TAB2: variants seen among roughly 807,000 people sequenced by gnomAD.
The protein encoded by TAB2 is TGF-beta-activated kinase 1 and MAP3K7-binding protein 2.
In TAB2, 3 loss-of-function variants were observed where a neutral mutation model predicts 65.0. The observed-to-expected ratio is 0.05, with a 90% CI of 0.02 to 0.12. TAB2 has a LOEUF of 0.12. TAB2 is among the 10% of genes least tolerant of loss of function. The pLI is 1.00. For synonymous variants in TAB2, 298 were observed against 285.1 expected, an observed-to-expected ratio of 1.05 and a Z score of -0.46; for missense variants, 623 against 840.3, an observed-to-expected ratio of 0.74 and a Z score of 3.20.
rs1489067826 is a variant in TAB2 at position 149,411,308 on chromosome 6, T to A, written c.*1589T>A. On this transcript the variant is annotated 3_prime_UTR_variant, in exon 7 of 7. Transcript: ENST00000637181. ...ATGGGATTATTACAGTTGATCTCTA[T>A]GAATGTCAGAGCCCTAACTTTCAGG... 1 of 152,508 alleles carries A rather than the reference T, an allele frequency of 6.6e-6. No individual in the cohort carries two copies. Among genetic ancestry groups the A allele is most frequent in the Non-Finnish European group, 1.5e-5 (1 of 68,026 alleles). The allele number at this position is 152,508 out of a possible 1,614,324, so 9.4% of individuals were successfully genotyped here. A position where few individuals can be genotyped will look rare whatever the true frequency, so the allele number is the denominator to read the frequency against.
chr6:149,332,739 A>G (rs781340252), intron 1 of TAB2, among the ~76,000 whole-genome samples: 9 of 152,210 alleles, frequency 5.9e-5, no homozygotes, highest in Admixed American at 1.3e-4. Flanking sequence ...GATGAAAAAC[A>G]GGAATGTAAA....
intron 1 of TAB2, among the ~76,000 whole-genome samples, chr6:149,299,898 C>T (rs183061510): frequency 5.4e-4 from 82 of 151,822 alleles, no homozygotes; most frequent in African/African-American, 2.0e-3. Context: ...GCCCCAGCTA[C>T]TCTGGAGGTT....
chr6:149,372,254 G>A (rs1287106827), intron 2 of TAB2: 1 of 152,102 alleles, frequency 6.6e-6, no homozygotes. Context: ...AAAACAAGAT[G>A]CAGAGCAGAG....
intron 1 of TAB2, among the ~76,000 whole-genome samples, chr6:149,231,424 T>C (rs1268911940): frequency 1.3e-5 from 2 of 152,234 alleles, no homozygotes; most frequent in African/African-American, 4.8e-5. Context: ...ATTCTGTAAA[T>C]TGCATGTATG....
chr6:149,332,624 A>G (rs143981856), intron 1 of TAB2, among the ~76,000 whole-genome samples: 6 of 152,214 alleles, frequency 3.9e-5, no homozygotes, highest in Admixed American at 6.5e-5. Context: ...TGAAGTAACT[A>G]CATGTTGTGG....
rs759651926 is a variant in TAB2, at chr6:149,379,058, C to T, written c.1143C>T (p.Ser381=). 6.2e-7 allele frequency: 1 copy of T among 1,614,152 alleles called. No individual in the cohort carries two copies. ...CCCCAAATACGGATGAGCTGATGTCCCGTAGTCAACCTAAGGTCTATATTT... is the reference window on the plus strand; with the variant it reads ...CCCCAAATACGGATGAGCTGATGTCTCGTAGTCAACCTAAGGTCTATATTT... ...ASPPNTDELM[S]RSQPKVYISA... is the part of the protein sequence containing the mutation. The change falls in exon 3 of 7, where the codon TCC becomes TCT. Residue 381 remains serine (S), a synonymous_variant. Coordinates refer to ENST00000637181, the MANE Select transcript of TAB2 (RefSeq NM_001292034.3).
In TAB2 at chr6:149,290,579, C is replaced by T. The variant is rs186595643; in HGVS notation, c.-121+71803C>T. ...GGTATTTAGGCTGGGCATGGTGGCTCACGCCTGTAATACCAGCACTCTGGG... is the reference window on the plus strand; with the variant it reads ...GGTATTTAGGCTGGGCATGGTGGCTTACGCCTGTAATACCAGCACTCTGGG... On this transcript the variant is annotated intron_variant, in intron 1 of 1. Transcript: ENST00000606202. Among the ~76,000 whole-genome samples the T allele has an allele frequency of 7.2e-5, 11 of 152,308 alleles. No individual in the cohort carries two copies. In the East Asian group the frequency reaches 2.1e-3, roughly 29 times the overall value.
chr6:149,325,172 C>T (rs577001), intron 1 of TAB2, among the ~76,000 whole-genome samples: 55,309 of 151,966 alleles, frequency 0.36, 10,341 homozygotes, highest in East Asian at 0.6. Context: ...CAAGTTCAAA[C>T]CTGAGTTCTG....
intron 6 of TAB2, 77 bp downstream of exon 6, chr6:149,399,261 C>T (rs1782283928): frequency 9.3e-7 from 1 of 1,073,336 alleles, no homozygotes; most frequent in Admixed American, 1.9e-5. Flanking sequence ...GTTCAGCAAC[C>T]TTCCTCTCTA....
rs780182449 is a variant in TAB2 at position 149,378,644 on chromosome 6, C to T, written c.729C>T (p.Asn243=). 1 of 1,613,358 alleles carries T rather than the reference C, an allele frequency of 6.2e-7. No individual in the cohort carries two copies. Among genetic ancestry groups the T allele is most frequent in the Non-Finnish European group, 8.5e-7 (1 of 1,180,020 alleles). Residue 243 remains asparagine, a synonymous_variant, in exon 3 of 7, where the codon AAC becomes AAT. Transcript: ENST00000637181. ...SGWVSQFNPM[N]PQQVYQPSQP... ...GGGTATCTCAGTTTAATCCCATGAA[C>T]CCTCAGCAAGTTTATCAGCCTTCAC...
intron 1 of TAB2, among the ~76,000 whole-genome samples, chr6:149,283,282 T>C (rs1019342893): frequency 6.6e-5 from 10 of 152,202 alleles, no homozygotes; most frequent in Non-Finnish European, 7.3e-5. Flanking sequence ...GGAACACAAA[T>C]ACATTGAAAA....
At chr6:149,273,108 C>T (rs1327555618) in intron 1 of TAB2, among the ~76,000 whole-genome samples, 3 of 152,124 alleles carry the variant, frequency 2.0e-5, no homozygotes, top group Admixed American at 1.3e-4. Context: ...TCGAGGACCA[C>T]TGATCGAGTG....
At chr6:149,324,428 A>G (rs1779540391) in intron 1 of TAB2, among the ~76,000 whole-genome samples, 2 of 152,184 alleles carry the variant, frequency 1.3e-5, no homozygotes, top group Non-Finnish European at 2.9e-5. Context: ...ATTTTAGCTT[A>G]AAGTTTTACT....
At chr6:149,400,262 T>A (rs1174047479) in intron 6 of TAB2, 1 of 990,274 alleles carries the variant, frequency 1.0e-6, no homozygotes, top group East Asian at 2.6e-5. Context: ...GAGCCCAGGA[T>A]GTGCACGCAC....
chr6:149,382,050 T>G (rs1282602546), intron 3 of TAB2, among the ~76,000 whole-genome samples: 3 of 152,212 alleles, frequency 2.0e-5, no homozygotes, highest in African/African-American at 7.2e-5. Flanking sequence ...TCTCTGCACA[T>G]GATCACTATC....
intron 1 of TAB2, among the ~76,000 whole-genome samples, chr6:149,364,769 G>T (rs1780985726): frequency 1.3e-5 from 2 of 149,860 alleles, no homozygotes; most frequent in African/African-American, 2.5e-5. Flanking sequence ...CTTTGTTTCT[G>T]TTTGTTTTTT....
At chr6:149,408,157 A>T (rs1432843968) in intron 6 of TAB2, among the ~76,000 whole-genome samples, 2 of 53,432 alleles carry the variant, frequency 3.7e-5, no homozygotes, top group African/African-American at 8.5e-5. Flanking sequence ...TAAAAAGTCA[A>T]AAGTTTTTTA....
chr6:149,220,933 A>G (rs1777132537), intron 1 of TAB2: 2 of 152,192 alleles, frequency 1.3e-5, no homozygotes, highest in African/African-American at 4.8e-5. Context: ...TCAAGTTTTT[A>G]AAACATCTGA....
At chr6:149,398,159 G>A in intron 5 of TAB2, 97 bp downstream of exon 5, 1 of 1,039,142 alleles carries the variant, frequency 9.6e-7, no homozygotes, top group Non-Finnish European at 1.5e-6. Flanking sequence ...TAATCTTACT[G>A]TCTCAGAACA....
Sources: allele counts gnomAD v4.1 joint callset (sites outside exome capture counted in the v4.1 genomes callset), GRCh38; gene constraint gnomAD v4.1.1; transcripts MANE v1.5; gene names NCBI Gene and HGNC (gene_info 2026-07-23, HGNC 2026-07-21).